The following NSMCE2 variants were observed in gnomAD, a reference collection of about 807,000 sequenced individuals.
NSMCE2 encodes E3 SUMO-protein ligase NSE2.
Under a neutral mutation model 23.8 loss-of-function variants are expected in NSMCE2, and 24 were observed. The ratio of observed to expected loss-of-function variants is 1.01; its 90% confidence interval spans 0.73 to 1.42. NSMCE2 has a LOEUF of 1.42. NSMCE2 is among the 40% of genes most tolerant of loss of function. NSMCE2 has a pLI of 0.00. For missense variants in NSMCE2, 284 were observed against 296.5 expected (o/e 0.96, Z 0.31); for synonymous variants, 92 against 94.1 (o/e 0.98, Z 0.13).
chr8:125,111,418 C>T (rs1011782985), intron 3 of NSMCE2, among the ~76,000 whole-genome samples: 1 of 152,080 alleles, frequency 6.6e-6, no homozygotes, highest in Admixed American at 6.5e-5. Flanking sequence ...AAAAAACTCC[C>T]AGAAAATTGT....
At chr8:125,206,084 A>G (rs1327579227) in intron 5 of NSMCE2, among the ~76,000 whole-genome samples, 4 of 152,216 alleles carry the variant, frequency 2.6e-5, no homozygotes, top group Non-Finnish European at 5.9e-5. Flanking sequence ...CGTGTTCAGA[A>G]AATGTTTTAT....
At chr8:125,200,422 T>C (rs1303079545) in intron 5 of NSMCE2, among the ~76,000 whole-genome samples, 1 of 152,174 alleles carries the variant, frequency 6.6e-6, no homozygotes, top group East Asian at 1.9e-4. Context: ...TTATTTCTCC[T>C]TCACTTATGA....
intron 5 of NSMCE2, among the ~76,000 whole-genome samples, chr8:125,271,667 A>G (rs74457361): frequency 5.6e-4 from 86 of 152,324 alleles, no homozygotes; most frequent in African/African-American, 1.9e-3. Context: ...CTGAATAGGT[A>G]TGAATCAGGT....
At chr8:125,149,418 G>A (rs1396818343) in intron 3 of NSMCE2, among the ~76,000 whole-genome samples, 1 of 152,146 alleles carries the variant, frequency 6.6e-6, no homozygotes, top group Non-Finnish European at 1.5e-5. Context: ...GAGTAGAAAA[G>A]AAAAACTGAC....
intron 5 of NSMCE2, among the ~76,000 whole-genome samples, chr8:125,341,908 A>C (rs1729131708): frequency 6.6e-6 from 1 of 151,408 alleles, no homozygotes. Flanking sequence ...AAAAAAAAAA[A>C]AAAAAAAAAA....
intron 5 of NSMCE2, among the ~76,000 whole-genome samples, chr8:125,214,422 G>A (rs976310290): frequency 6.6e-6 from 1 of 152,186 alleles, no homozygotes; most frequent in Non-Finnish European, 1.5e-5. Flanking sequence ...GATCAGAATT[G>A]GCAGGCAAGG....
intron 5 of NSMCE2, among the ~76,000 whole-genome samples, chr8:125,193,129 GCT>G (rs1443589327): frequency 6.6e-6 from 1 of 152,122 alleles, no homozygotes; most frequent in African/African-American, 2.4e-5. Flanking sequence ...GGAAATAAAT[GCT>G]TATGCTATTA....
At chr8:125,365,049 G>A (rs1048119677) in intron 7 of NSMCE2, among the ~76,000 whole-genome samples, 5 of 152,128 alleles carry the variant, frequency 3.3e-5, no homozygotes, top group African/African-American at 9.7e-5. Flanking sequence ...AAGCAGAGCC[G>A]TGGCTTGTTT....
rs141693816 is a variant in NSMCE2, at chr8:125,250,627, A to G, written c.418+68371A>G. On this transcript the variant is annotated intron_variant, in intron 5 of 7. Coordinates refer to ENST00000287437, the MANE Select transcript of NSMCE2 (RefSeq NM_173685.4). ...ATTTATTTGGTCATATGTCTCTTGCAGACATTTCTTCGGATTTGTTTTGTT... is the reference window on the plus strand; with the variant it reads ...ATTTATTTGGTCATATGTCTCTTGCGGACATTTCTTCGGATTTGTTTTGTT... Among the ~76,000 whole-genome samples, 631 of 152,240 alleles carry G rather than the reference A, an allele frequency of 4.1e-3. 7 individuals are homozygous for G. The highest frequency in any genetic ancestry group is 0.013 in the African/African-American group (557 of 41,540).
At chr8:125,146,954 G>A (rs558666162) in intron 3 of NSMCE2, among the ~76,000 whole-genome samples, 2 of 152,180 alleles carry the variant, frequency 1.3e-5, no homozygotes, top group Non-Finnish European at 2.9e-5. Flanking sequence ...GAGATTTGAT[G>A]TAAGTTTGAT....
chr8:125,155,655 A>G (rs1821268199), intron 4 of NSMCE2, among the ~76,000 whole-genome samples: 1 of 152,196 alleles, frequency 6.6e-6, no homozygotes, highest in Admixed American at 6.5e-5. Flanking sequence ...TGACTATTAA[A>G]TAAACCCAGT....
chr8:125,249,028 G>A (rs1161768747), intron 5 of NSMCE2, among the ~76,000 whole-genome samples: 3 of 152,212 alleles, frequency 2.0e-5, no homozygotes, highest in East Asian at 3.9e-4. Flanking sequence ...AAAATTAGCC[G>A]AGTATGGTGG....
intron 4 of NSMCE2, among the ~76,000 whole-genome samples, chr8:125,158,073 T>C (rs1275263449): frequency 2.0e-5 from 3 of 152,198 alleles, no homozygotes; most frequent in African/African-American, 7.2e-5. Context: ...GGGACTGATA[T>C]TCTTCAGAAC....
At chr8:125,289,890 A>G (rs1828041888) in intron 5 of NSMCE2, among the ~76,000 whole-genome samples, 1 of 152,192 alleles carries the variant, frequency 6.6e-6, no homozygotes, top group Admixed American at 6.5e-5. Flanking sequence ...CTTTTTGTTT[A>G]TGAGTACAAA....
At chr8:125,311,025 A>G (rs1468712017) in intron 5 of NSMCE2, among the ~76,000 whole-genome samples, 3 of 152,204 alleles carry the variant, frequency 2.0e-5, no homozygotes, top group African/African-American at 4.8e-5. Context: ...CTGAAACCGA[A>G]TTGATTTTTA....
At chr8:125,313,575 G>C (rs1829060943) in intron 5 of NSMCE2, among the ~76,000 whole-genome samples, 1 of 152,208 alleles carries the variant, frequency 6.6e-6, no homozygotes, top group Non-Finnish European at 1.5e-5. Context: ...TGCCAGCTTA[G>C]CTCTTTTGTT....
In NSMCE2 at chr8:125,204,996, C is replaced by T. The variant is rs942075181; in HGVS notation, c.418+22740C>T. ...ATGGCTCCCTTCAGCCCTTCTGGCT[C>T]CAGGCTCCTATTTCACTTTCTCACC... is the stretch of plus-strand genomic sequence containing the variant. On this transcript the variant is annotated intron_variant, in intron 5 of 7. Transcript: ENST00000287437. Among the ~76,000 whole-genome samples the T allele has an allele frequency of 3.3e-5, 5 of 152,214 alleles. No homozygotes were observed. The East Asian group carries it at 7.7e-4, about 23-fold the overall frequency.
chr8:125,261,442 G>C (rs763779675), intron 5 of NSMCE2, among the ~76,000 whole-genome samples: 10 of 152,168 alleles, frequency 6.6e-5, no homozygotes, highest in Non-Finnish European at 1.2e-4. Flanking sequence ...TCTGTGCTCT[G>C]TGGTTACTAT....
chr8:125,183,863 T>C (rs1419961453), intron 5 of NSMCE2, among the ~76,000 whole-genome samples: 5 of 152,322 alleles, frequency 3.3e-5, no homozygotes, highest in African/African-American at 4.8e-5. Context: ...CTGATTGTTA[T>C]AGGCATTTTT....
Sources: gnomAD v4.1 joint callset for allele counts (sites outside exome capture counted in the v4.1 genomes callset) on GRCh38, gnomAD v4.1.1 for gene constraint, MANE v1.5 for transcripts, NCBI Gene and HGNC (gene_info 2026-07-23, HGNC 2026-07-21) for gene names.